Variants in CACNA2D2 observed in about 807,000 individuals in gnomAD.
CACNA2D2 encodes voltage-dependent calcium channel subunit alpha-2/delta-2.
Under a neutral mutation model 166.4 loss-of-function variants are expected in CACNA2D2, and 48 were observed. The observed-to-expected ratio is 0.29, with a 90% CI of 0.23 to 0.37. The LOEUF (loss-of-function observed/expected upper bound fraction) is 0.37, where lower values mean the gene tolerates loss of function less well. Ranked by LOEUF, CACNA2D2 falls within the 10% of genes least tolerant of loss-of-function variation. CACNA2D2 has a pLI of 1.00. For synonymous variants in CACNA2D2, 561 were observed against 573.7 expected (o/e 0.98, Z 0.32); for missense variants, 1,122 against 1,433.0 (o/e 0.78, Z 3.50).
intron 3 of CACNA2D2, among the ~76,000 whole-genome samples, chr3:50,412,079 G>A (rs1707045706): frequency 6.6e-6 from 1 of 152,196 alleles, no homozygotes; most frequent in Non-Finnish European, 1.5e-5. Context: ...TGAGCCCATG[G>A]GCTCAGCTAG....
At chr3:50,377,624 C>T in intron 16 of CACNA2D2, 83 bp from the exon 17 acceptor site, 1 of 1,565,600 alleles carries the variant, frequency 6.4e-7, no homozygotes. Flanking sequence ...GCTGCTCTCA[C>T]AGGCAGTGTG....
At chr3:50,421,407 C>T (rs1559931971) in intron 3 of CACNA2D2, among the ~76,000 whole-genome samples, 2 of 151,866 alleles carry the variant, frequency 1.3e-5, no homozygotes, top group Non-Finnish European at 2.9e-5. Context: ...GGTGCAGTTG[C>T]CCCCCTCACC....
At chr3:50,422,531 G>A (rs1707622503) in intron 3 of CACNA2D2, among the ~76,000 whole-genome samples, 1 of 152,140 alleles carries the variant, frequency 6.6e-6, no homozygotes, top group Non-Finnish European at 1.5e-5. Context: ...CCCCCTCCTG[G>A]AGCAAAGGAT....
intron 5 of CACNA2D2, 30 bp from the exon 6 acceptor site, chr3:50,384,367 A>C: frequency 1.2e-6 from 2 of 1,610,134 alleles, no homozygotes; most frequent in South Asian, 1.1e-5. Flanking sequence ...GAGCAATGTC[A>C]GGGCTGGAAA....
chr3:50,483,975 C>T (rs1052010227), intron 1 of CACNA2D2, among the ~76,000 whole-genome samples: 3 of 152,192 alleles, frequency 2.0e-5, no homozygotes, highest in African/African-American at 7.2e-5. Context: ...CGTCAGGCCG[C>T]ACATACCTCA....
chr3:50,433,317 TAGCA>T (rs1423848793), intron 3 of CACNA2D2, among the ~76,000 whole-genome samples: 1 of 152,210 alleles, frequency 6.6e-6, no homozygotes, highest in Non-Finnish European at 1.5e-5. Flanking sequence ...ATCCATGTTG[TAGCA>T]AGCAAGCATC....
At chr3:50,423,624 C>T (rs757055233) in intron 3 of CACNA2D2, among the ~76,000 whole-genome samples, 3 of 152,248 alleles carry the variant, frequency 2.0e-5, no homozygotes, top group African/African-American at 7.2e-5. Context: ...AAGGATGGGG[C>T]GTCTTGCCCT....
intron 3 of CACNA2D2, 60 bp from the exon 4 acceptor site, chr3:50,394,228 C>A: frequency 5.0e-6 from 7 of 1,400,212 alleles, no homozygotes; most frequent in Non-Finnish European, 7.1e-6. Flanking sequence ...CTATGCCCAC[C>A]CCAAAGCCTC....
chr3:50,426,631 C>T (rs769088672), intron 3 of CACNA2D2, among the ~76,000 whole-genome samples: 2 of 152,188 alleles, frequency 1.3e-5, no homozygotes, highest in African/African-American at 2.4e-5. Flanking sequence ...ACACCAGCCC[C>T]CTAGACCCTT....
At chr3:50,482,987 C>T (rs1698118410) in intron 1 of CACNA2D2, among the ~76,000 whole-genome samples, 2 of 152,188 alleles carry the variant, frequency 1.3e-5, no homozygotes, top group Admixed American at 1.3e-4. Flanking sequence ...GATTACAGTG[C>T]CTTCAGATGT....
intron 1 of CACNA2D2, among the ~76,000 whole-genome samples, chr3:50,485,609 C>T (rs1310445267): frequency 6.6e-6 from 1 of 152,238 alleles, no homozygotes; most frequent in Non-Finnish European, 1.5e-5. Context: ...TCAGTTTATT[C>T]CTGTGTTTTG....
At chr3:50,489,708 GT>G (rs1193418753) in intron 1 of CACNA2D2, among the ~76,000 whole-genome samples, 2 of 152,068 alleles carry the variant, frequency 1.3e-5, no homozygotes, top group African/African-American at 2.4e-5. Flanking sequence ...CCCTTACCTC[GT>G]CCCCCCATCA....
At chr3:50,472,593 T>G (rs931642793) in intron 2 of CACNA2D2, among the ~76,000 whole-genome samples, 1 of 146,864 alleles carries the variant, frequency 6.8e-6, no homozygotes, top group South Asian at 2.1e-4. Flanking sequence ...GCCAACTGAT[T>G]CTTCATCATG....
intron 5 of CACNA2D2, among the ~76,000 whole-genome samples, chr3:50,385,655 C>T (rs1705563769): frequency 6.6e-6 from 1 of 152,222 alleles, no homozygotes; most frequent in South Asian, 2.1e-4. Flanking sequence ...CTGCTGTCCT[C>T]CCACTGCCCT....
rs1559978358 is a variant in CACNA2D2 at position 50,468,379 on chromosome 3, T to TTGTGTGTG, written c.288+7738_288+7739insCACACACA. ...AAGAGAACCAGCAAGTTCATCAGAATAGTGTGTGTGTGTGTGTGTGTGTGT... is the reference window on the plus strand; with the variant it reads ...AAGAGAACCAGCAAGTTCATCAGAATTGTGTGTGAGTGTGTGTGTGTGTGTGTGTGTGT... On this transcript the variant is annotated intron_variant, in intron 2 of 37. Coordinates refer to ENST00000424201, the MANE Select transcript of CACNA2D2 (RefSeq NM_006030.4). 4.3e-3 allele frequency among the ~76,000 whole-genome samples: 298 copies of TTGTGTGTG among 68,896 alleles called. 8 individuals carry two copies. Among genetic ancestry groups the TTGTGTGTG allele is most frequent in the African/African-American group, 0.014 (287 of 20,572 alleles). The allele number at this position is 68,896 out of a possible 152,430, so 45.2% of individuals were successfully genotyped here.
rs557837524 is a variant in CACNA2D2, at chr3:50,456,025, C to G, written c.288+20093G>C. Among the ~76,000 whole-genome samples the G allele has an allele frequency of 2.6e-5, 4 of 152,300 alleles. No homozygotes were observed. In the South Asian group the frequency reaches 8.3e-4, roughly 32 times the overall value. On this transcript the variant is annotated intron_variant, in intron 2 of 37. Coordinates refer to ENST00000424201, the MANE Select transcript of CACNA2D2 (RefSeq NM_006030.4). ...GGCAGCTATTGCCCATCGTCCAGGA[C>G]TCCTCATGTCTGCAGCCCTACATAT...
chr3:50,447,187 G>A (rs944316592), intron 2 of CACNA2D2, among the ~76,000 whole-genome samples: 2 of 152,282 alleles, frequency 1.3e-5, no homozygotes, highest in Non-Finnish European at 2.9e-5. Context: ...CTCTGAACCC[G>A]ACCCTCACCG....
At chr3:50,387,460 C>T in intron 5 of CACNA2D2, 108 bp downstream of exon 5, 1 of 926,386 alleles carries the variant, frequency 1.1e-6, no homozygotes, top group Admixed American at 1.9e-5. Context: ...GTCACCACGG[C>T]TCTGCAGGGT....
At chr3:50,421,848 C>T (rs560854360) in intron 3 of CACNA2D2, among the ~76,000 whole-genome samples, 2 of 152,320 alleles carry the variant, frequency 1.3e-5, no homozygotes, top group South Asian at 4.1e-4. Context: ...GCCATGCCCT[C>T]TGACCCCAAG....
Sources: allele counts gnomAD v4.1 joint callset (sites outside exome capture counted in the v4.1 genomes callset), GRCh38; gene constraint gnomAD v4.1.1; transcripts MANE v1.5; gene names NCBI Gene and HGNC (gene_info 2026-07-23, HGNC 2026-07-21).